Variants in PTPRD observed in about 807,000 individuals in gnomAD.
PTPRD encodes the protein receptor-type tyrosine-protein phosphatase delta.
A neutral mutation model predicts 214.5 loss-of-function variants in PTPRD; 34 were observed. The observed-to-expected ratio is 0.16, with a 90% CI of 0.12 to 0.21. The LOEUF is 0.21. PTPRD is among the 10% of genes least tolerant of loss of function. The pLI is 1.00. For missense variants in PTPRD, 2,545 were observed against 2,398.7 expected (o/e 1.06, Z -1.27); for synonymous variants, 1,128 against 845.7 (o/e 1.33, Z -5.79).
At chr9:9,989,276 G>A (rs1056016273) in intron 4 of PTPRD, among the ~76,000 whole-genome samples, 1 of 152,106 alleles carries the variant, frequency 6.6e-6, no homozygotes, top group Non-Finnish European at 1.5e-5. Flanking sequence ...TTAAATGAGA[G>A]CATGCATTCC....
At chr9:10,290,944 T>G (rs1001725412) in intron 3 of PTPRD, among the ~76,000 whole-genome samples, 1 of 152,132 alleles carries the variant, frequency 6.6e-6, no homozygotes, top group Non-Finnish European at 1.5e-5. Flanking sequence ...TAGAGAACTG[T>G]TTGTTGTTTA....
chr9:8,854,007 G>A (rs2154543687), intron 11 of PTPRD, among the ~76,000 whole-genome samples: 1 of 152,110 alleles, frequency 6.6e-6, no homozygotes, highest in African/African-American at 2.4e-5. Flanking sequence ...AGCATTTTTT[G>A]AATACTCTGG....
At chr9:9,486,149 T>C (rs1220433800) in intron 8 of PTPRD, among the ~76,000 whole-genome samples, 9 of 7,188 alleles carry the variant, frequency 1.3e-3, no homozygotes, top group African/African-American at 3.8e-3. Context: ...AGACTCTCTC[T>C]CAAAAAAAAA....
At chr9:8,934,835 A>C (rs970970245) in intron 11 of PTPRD, among the ~76,000 whole-genome samples, 5 of 151,774 alleles carry the variant, frequency 3.3e-5, no homozygotes, top group African/African-American at 1.2e-4. Flanking sequence ...AGCTTTTTGG[A>C]TTCCATACGT....
intron 7 of PTPRD, among the ~76,000 whole-genome samples, chr9:9,684,354 T>C (rs944156027): frequency 6.6e-6 from 1 of 151,672 alleles, no homozygotes; most frequent in African/African-American, 2.4e-5. Flanking sequence ...CTATCAATGT[T>C]GGGTGCATTT....
chr9:10,333,447 G>A lies in PTPRD; in HGVS notation c.-545+7516C>T, dbSNP rs12003492. On this transcript the variant is annotated intron_variant, in intron 3 of 45. Transcript: ENST00000381196. ...TTCCTGCTGACACTACAATTTCAGCGATTTAATGATACAATTGTTTCTGAA... is the reference window on the plus strand; with the variant it reads ...TTCCTGCTGACACTACAATTTCAGCAATTTAATGATACAATTGTTTCTGAA... Among the ~76,000 whole-genome samples, 329 of 151,832 alleles carry A rather than the reference G, an allele frequency of 2.2e-3. 1 individual carries two copies. The highest frequency in any genetic ancestry group is 7.5e-3 in the African/African-American group (311 of 41,490).
chr9:10,087,158 G>T (rs1287612337), intron 3 of PTPRD, among the ~76,000 whole-genome samples: 2 of 149,336 alleles, frequency 1.3e-5, no homozygotes, highest in Non-Finnish European at 1.5e-5. Flanking sequence ...TTTAGAAACT[G>T]AAAAGTAGTA....
At chr9:10,138,244 A>C (rs2098956452) in intron 3 of PTPRD, among the ~76,000 whole-genome samples, 1 of 152,086 alleles carries the variant, frequency 6.6e-6, no homozygotes, top group South Asian at 2.1e-4. Flanking sequence ...AGATCCTCAA[A>C]GGCTACTATG....
At chr9:9,646,160 A>G (rs2096156483) in intron 7 of PTPRD, among the ~76,000 whole-genome samples, 2 of 152,182 alleles carry the variant, frequency 1.3e-5, no homozygotes, top group South Asian at 4.1e-4. Context: ...TTACATATTT[A>G]GAAGTTTGTT....
chr9:9,287,012 G>A (rs962260329), intron 9 of PTPRD, among the ~76,000 whole-genome samples: 3 of 146,762 alleles, frequency 2.0e-5, no homozygotes, highest in Non-Finnish European at 1.5e-5. Flanking sequence ...ATCACTTGAG[G>A]TCAGGAGTTC....
At chr9:9,033,504 C>T (rs1221909829) in intron 10 of PTPRD, among the ~76,000 whole-genome samples, 2 of 152,060 alleles carry the variant, frequency 1.3e-5, no homozygotes, top group Non-Finnish European at 2.9e-5. Flanking sequence ...ATATTAAATG[C>T]AAGGCTAGCC....
chr9:8,320,105 A>G, intron 44 of PTPRD, 139 bp from the exon 45 acceptor site: 2 of 1,035,932 alleles, frequency 1.9e-6, no homozygotes, highest in Non-Finnish European at 2.7e-6. Context: ...ATGGTATCAC[A>G]TTCATCAAAT....
At chr9:9,083,328 G>A (rs138278769) in intron 10 of PTPRD, among the ~76,000 whole-genome samples, 257 of 152,228 alleles carry the variant, frequency 1.7e-3, no homozygotes, top group African/African-American at 5.7e-3. Flanking sequence ...TAATCCTGGT[G>A]TTGGGAAAAC....
At chr9:10,211,756 A>G (rs1268095531) in intron 3 of PTPRD, among the ~76,000 whole-genome samples, 1 of 152,168 alleles carries the variant, frequency 6.6e-6, no homozygotes, top group Non-Finnish European at 1.5e-5. Flanking sequence ...GTGTGCAAAC[A>G]TGGACATAGA....
At chr9:9,968,854 A>T (rs1018682874) in intron 4 of PTPRD, among the ~76,000 whole-genome samples, 1 of 152,152 alleles carries the variant, frequency 6.6e-6, no homozygotes, top group African/African-American at 2.4e-5. Flanking sequence ...AACCAAAGAC[A>T]CAGAACTAAG....
chr9:8,998,948 T>C (rs757166948), intron 11 of PTPRD, among the ~76,000 whole-genome samples: 2 of 151,976 alleles, frequency 1.3e-5, no homozygotes, highest in Non-Finnish European at 2.9e-5. Flanking sequence ...GAACTAGAAT[T>C]AGAAGTGGAG....
At chr9:10,581,178 C>A (rs7868480) in intron 2 of PTPRD, among the ~76,000 whole-genome samples, 7,851 of 152,192 alleles carry the variant, frequency 0.052, 266 homozygotes, top group East Asian at 0.094. Flanking sequence ...TAGTTACTAT[C>A]TAGGAAGTAC....
chr9:9,936,172 G>A (rs1057250491), intron 5 of PTPRD, among the ~76,000 whole-genome samples: 3 of 148,470 alleles, frequency 2.0e-5, no homozygotes, highest in South Asian at 2.1e-4. Context: ...GCATGGGCAA[G>A]GACTTCATGT....
At chr9:8,344,660 C>T (rs4740936) in intron 39 of PTPRD, among the ~76,000 whole-genome samples, 74,167 of 151,774 alleles carry the variant, frequency 0.49, 21,195 homozygotes, top group Non-Finnish European at 0.65. Context: ...GTGTTACCTT[C>T]TTCTAGGATG....
Sources: allele counts gnomAD v4.1 joint callset (sites outside exome capture counted in the v4.1 genomes callset), GRCh38; gene constraint gnomAD v4.1.1; transcripts MANE v1.5; gene names NCBI Gene and HGNC (gene_info 2026-07-23, HGNC 2026-07-21).